Variants in CHST9 observed in about 807,000 individuals in gnomAD.
The protein encoded by CHST9 is GalNAc-4-sulfotransferase 2.
A neutral mutation model predicts 44.4 loss-of-function variants in CHST9; 41 were observed. That is an observed-to-expected ratio of 0.92 (90% CI 0.72 to 1.20). CHST9 has a LOEUF of 1.20. Among genes scored for constraint, CHST9 ranks in the 50% most tolerant of loss-of-function variants. The pLI is 0.00. For missense variants in CHST9, 504 were observed against 516.5 expected, an observed-to-expected ratio of 0.98 and a Z score of 0.23; for synonymous variants, 171 against 178.4, an observed-to-expected ratio of 0.96 and a Z score of 0.33.
intron 2 of CHST9, among the ~76,000 whole-genome samples, chr18:27,078,882 G>A (rs180777723): frequency 1.3e-5 from 2 of 152,276 alleles, no homozygotes; most frequent in East Asian, 3.9e-4. Context: ...TACATATAAG[G>A]TTTTGTGAGT....
chr18:27,154,495 C>G (rs2058683165), intron 1 of CHST9, among the ~76,000 whole-genome samples: 1 of 151,902 alleles, frequency 6.6e-6, no homozygotes, highest in African/African-American at 2.4e-5. Flanking sequence ...GAATGATCAG[C>G]TTTACTTTTG....
intron 3 of CHST9, among the ~76,000 whole-genome samples, chr18:27,035,409 A>G (rs142369744): frequency 6.6e-6 from 1 of 152,282 alleles, no homozygotes; most frequent in East Asian, 1.9e-4. Flanking sequence ...TTGCAGCATT[A>G]TTCAAAATAG....
Position 26,916,270 on chromosome 18 carries a change from G to A in CHST9, c.1321C>T (p.Pro441Ser), listed in dbSNP as rs185798102. ...AAAATGAATGCAAACTACAAAAATG[G>A]AGTTGTATAATTAAACATTAAATAG... ...LDYLMFNYTT[P>S]FL The change falls in exon 6 of 6, where the codon CCA becomes TCA. Residue 441 changes from proline to serine, a missense_variant. Coordinates refer to ENST00000618847, the MANE Select transcript of CHST9 (RefSeq NM_031422.6). 1,093 of 1,554,652 alleles carry A rather than the reference G, an allele frequency of 7.0e-4. 1 individual carries two copies. Among genetic ancestry groups the A allele is most frequent in the Non-Finnish European group, 9.0e-4 (1,017 of 1,133,430 alleles).
intron 4 of CHST9, among the ~76,000 whole-genome samples, chr18:27,001,780 T>C (rs2056956548): frequency 6.6e-6 from 1 of 152,122 alleles, no homozygotes; most frequent in Non-Finnish European, 1.5e-5. Flanking sequence ...ATGACAGAAG[T>C]TTGGACTGGG....
At chr18:27,067,087 T>TTAC (rs2057789564) in intron 2 of CHST9, among the ~76,000 whole-genome samples, 1 of 152,176 alleles carries the variant, frequency 6.6e-6, no homozygotes, top group African/African-American at 2.4e-5. Context: ...GAAAGTAAAA[T>TTAC]GGTATGGTAC....
chr18:27,162,388 G>A (rs1206755166), intron 1 of CHST9, among the ~76,000 whole-genome samples: 1 of 152,064 alleles, frequency 6.6e-6, no homozygotes, highest in Non-Finnish European at 1.5e-5. Flanking sequence ...GGCTGGATAT[G>A]AAATTCTGGG....
At chr18:27,165,591 T>G (rs151118413) in intron 1 of CHST9, among the ~76,000 whole-genome samples, 3 of 152,192 alleles carry the variant, frequency 2.0e-5, no homozygotes, top group Non-Finnish European at 4.4e-5. Flanking sequence ...AAAGTTCACA[T>G]GACTCATAAC....
At chr18:27,047,415 T>TGTGTGTGTGTG (rs2057515432) in intron 3 of CHST9, among the ~76,000 whole-genome samples, 1 of 151,800 alleles carries the variant, frequency 6.6e-6, no homozygotes, top group Non-Finnish European at 1.5e-5. Context: ...TGTGTGTGTG[T>TGTGTGTGTGTG]GTGTGTTCAT....
In CHST9 at chr18:26,915,055, C is replaced by T. The variant is rs910516025; in HGVS notation, c.*1204G>A. ...GCATTACAACTATTCATAAGGGTGA[C>T]ACATGGACCTATTTTTCTAAGGACT... On this transcript the variant is annotated 3_prime_UTR_variant, in exon 6 of 6. Transcript: ENST00000618847. 1 of 397,178 alleles carries T rather than the reference C, an allele frequency of 2.5e-6. No homozygotes were observed. The highest frequency in any genetic ancestry group is 4.4e-6 in the Non-Finnish European group (1 of 225,208). 24.6% of individuals were successfully genotyped at this position (397,178 alleles called of 1,614,324 possible).
chr18:26,980,372 A>C (rs2056677374), intron 4 of CHST9, among the ~76,000 whole-genome samples: 1 of 152,170 alleles, frequency 6.6e-6, no homozygotes, highest in African/African-American at 2.4e-5. Context: ...ACTATATAAA[A>C]AAAATGACCC....
chr18:26,924,813 T>G (rs1353794031), intron 5 of CHST9: 1 of 152,144 alleles, frequency 6.6e-6, no homozygotes, highest in Admixed American at 6.6e-5. Flanking sequence ...GCGACTGCAT[T>G]TCCAACAGAC....
chr18:27,175,816 TC>T (rs2058863919), intron 1 of CHST9, among the ~76,000 whole-genome samples: 1 of 152,024 alleles, frequency 6.6e-6, no homozygotes, highest in Non-Finnish European at 1.5e-5. Flanking sequence ...ACCAGATGGA[TC>T]CCTATCTTAG....
chr18:26,973,580 A>G (rs573402657), intron 4 of CHST9, among the ~76,000 whole-genome samples: 21 of 152,288 alleles, frequency 1.4e-4, no homozygotes, highest in Admixed American at 1.4e-3. Context: ...ACATGACATT[A>G]TGTTTTTTTG....
At chr18:27,060,656 C>T (rs929141650) in intron 2 of CHST9, among the ~76,000 whole-genome samples, 18 of 152,124 alleles carry the variant, frequency 1.2e-4, no homozygotes, top group African/African-American at 4.1e-4. Context: ...AGTGCCTGTC[C>T]ACAGTCCATT....
chr18:26,985,855 G>A (rs981354325), intron 4 of CHST9, among the ~76,000 whole-genome samples: 1 of 152,174 alleles, frequency 6.6e-6, no homozygotes, highest in Non-Finnish European at 1.5e-5. Context: ...TTGAGTAGAT[G>A]CAAAAATCTT....
At chr18:26,956,925 C>G (rs1011084455) in intron 4 of CHST9, among the ~76,000 whole-genome samples, 1 of 152,002 alleles carries the variant, frequency 6.6e-6, no homozygotes, top group African/African-American at 2.4e-5. Context: ...TATTTTTATT[C>G]ACTTTAAAGG....
chr18:26,942,052 C>CA (rs1888629264), intron 5 of CHST9, among the ~76,000 whole-genome samples: 1 of 148,936 alleles, frequency 6.7e-6, no homozygotes, highest in Admixed American at 6.7e-5. Context: ...TAATGCTCAG[C>CA]AGCGCTCCAT....
At chr18:27,117,682 A>T (rs2058339938) in intron 2 of CHST9, among the ~76,000 whole-genome samples, 2 of 152,144 alleles carry the variant, frequency 1.3e-5, no homozygotes, top group African/African-American at 4.8e-5. Flanking sequence ...ATTTACTAAT[A>T]TGCATTTTTA....
In CHST9 at chr18:26,913,886, C is replaced by T. The variant is rs2055475103; in HGVS notation, c.*2373G>A. On this transcript the variant is annotated 3_prime_UTR_variant, in exon 6 of 6. Transcript: ENST00000618847. ...CAGGATGATGACTGGCTTCTTTGGTCCTAACATGAAAATAAGCCATCTAAA... is the reference window on the plus strand; with the variant it reads ...CAGGATGATGACTGGCTTCTTTGGTTCTAACATGAAAATAAGCCATCTAAA... 1 of 152,076 alleles carries T rather than the reference C, an allele frequency of 6.6e-6. No homozygotes were observed. The highest frequency in any genetic ancestry group is 1.5e-5 in the Non-Finnish European group (1 of 68,014). 9.4% of individuals were successfully genotyped at this position (152,076 alleles called of 1,614,324 possible). A position where few individuals can be genotyped will look rare whatever the true frequency, so the allele number is the denominator to read the frequency against.
Sources: gnomAD v4.1 joint callset for allele counts (sites outside exome capture counted in the v4.1 genomes callset) on GRCh38, gnomAD v4.1.1 for gene constraint, MANE v1.5 for transcripts, NCBI Gene and HGNC (gene_info 2026-07-23, HGNC 2026-07-21) for gene names.